NLRC3: variants seen among roughly 807,000 people sequenced by gnomAD.
NLRC3 encodes the protein NLR family CARD domain containing 3.
NLRC3 carries 87 observed loss-of-function variants against 91.6 expected under a neutral mutation model. The ratio of observed to expected loss-of-function variants is 0.95; its 90% CI spans 0.80 to 1.14. NLRC3 has a LOEUF of 1.14. Ranked by LOEUF, NLRC3 falls within the 50% of genes most tolerant of loss-of-function variation. NLRC3 has a pLI of 0.00. For missense variants in NLRC3, 1,577 were observed against 1,418.6 expected (o/e 1.11, Z -1.79); for synonymous variants, 694 against 625.3 (o/e 1.11, Z -1.64).
chr16:3,557,295 G>A (rs1402993850), intron 7 of NLRC3, among the ~76,000 whole-genome samples: 1 of 152,232 alleles, frequency 6.6e-6, no homozygotes, highest in South Asian at 2.1e-4. Flanking sequence ...GTCCCTGGCT[G>A]TAGCCCGGCA....
At chr16:3,548,584 G>T in intron 14 of NLRC3, 86 bp downstream of exon 14, 1 of 1,024,466 alleles carries the variant, frequency 9.8e-7, no homozygotes, top group Non-Finnish European at 1.5e-6. Context: ...CCCCAAACCA[G>T]GTGTGGCCTG....
At position 3,563,188 on chromosome 16, in the gene NLRC3, C is replaced by T. The variant is rs1176912105; in HGVS notation, c.1749G>A (p.Val583=). The T allele has an allele frequency of 1.3e-6, 2 of 1,594,682 alleles. No individual in the cohort carries two copies. The highest frequency in any genetic ancestry group is 1.7e-6 in the Non-Finnish European group (2 of 1,173,032). Residue 583 remains valine (V), a synonymous_variant, in exon 5 of 20, where the codon GTG becomes GTA. Coordinates refer to ENST00000359128, the MANE Select transcript of NLRC3 (RefSeq NM_178844.4). ...GGGCCCCGCTCTCCATGGCCTCCTC[C>T]ACGCTGCGGGCCAGCTCGGTGTGCT... ...ELQHTELARS[V]EEAMESGALA... is the part of the protein sequence containing the mutation.
chr16:3,546,242 A>T (rs1324177797), intron 15 of NLRC3, among the ~76,000 whole-genome samples: 3 of 151,930 alleles, frequency 2.0e-5, no homozygotes, highest in Non-Finnish European at 4.4e-5. Context: ...TTTAAAAAAA[A>T]TTGTAAATAT....
At chr16:3,543,274 AGTGGGGCTG>A (rs2038504290) in intron 17 of NLRC3, 142 bp downstream of exon 17, 3 of 649,284 alleles carry the variant, frequency 4.6e-6, no homozygotes, top group African/African-American at 3.6e-5. Flanking sequence ...AAAGGCATGA[AGTGGGGCTG>A]GGAAACTGGT....
chr16:3,554,168 G>T, intron 9 of NLRC3, 74 bp downstream of exon 9: 3 of 1,149,290 alleles, frequency 2.6e-6, no homozygotes, highest in Non-Finnish European at 3.9e-6. Flanking sequence ...TTCCTAGCAG[G>T]TAATAGGCAG....
intron 1 of NLRC3, among the ~76,000 whole-genome samples, chr16:3,574,426 C>T (rs913307525): frequency 2.0e-5 from 3 of 151,970 alleles, no homozygotes; most frequent in African/African-American, 4.8e-5. Context: ...CCACGGGACC[C>T]GAGCGGGGCT....
At chr16:3,544,027 C>T (rs1335576347) in intron 16 of NLRC3, 7 of 536,126 alleles carry the variant, frequency 1.3e-5, no homozygotes, top group East Asian at 3.1e-5. Context: ...TGGTGGTGCA[C>T]GCCTGTTATC....
In NLRC3 at chr16:3,541,605, A is replaced by G. The variant is rs202021400; in HGVS notation, c.*220T>C. The G allele has an allele frequency of 2.3e-5, 13 of 574,598 alleles. No homozygotes were observed. The highest frequency in any genetic ancestry group is 1.9e-4 in the South Asian group (9 of 47,468). The allele number at this position is 574,598 out of a possible 1,614,324, so 35.6% of individuals were successfully genotyped here. On this transcript the variant is annotated 3_prime_UTR_variant, in exon 20 of 20. Transcript: ENST00000359128. ...GGGTGGCCCCTCCCTTCTCTGTGCC[A>G]TAACAGAGTACCCGTCACCCCCTGC...
intron 10 of NLRC3, 124 bp downstream of exon 10, chr16:3,552,072 C>T (rs2039045308): frequency 1.5e-6 from 1 of 653,972 alleles, no homozygotes; most frequent in South Asian, 1.8e-5. Flanking sequence ...CATCCACCCA[C>T]CCATCCATCC....
chr16:3,541,862 A>G lies in NLRC3; in HGVS notation c.3161T>C (p.Ile1054Thr), dbSNP rs758114605. The G allele has an allele frequency of 9.3e-6, 15 of 1,612,806 alleles. No individual in the cohort carries two copies. The highest frequency in any genetic ancestry group is 2.7e-5 in the African/African-American group (2 of 74,904). ...AGTGCACGTGGGAGCATTTGTCTTG[A>G]TGGCCTCTGAGATCATCCTGGCCCC... ...DSGARMISEA[I>T]KTNAPTCTVE... Residue 1054 changes from isoleucine to threonine, a missense_variant, in exon 20 of 20, where the codon ATC (isoleucine) becomes ACC (threonine). Transcript: ENST00000359128.
At chr16:3,553,240 G>A (rs967500886) in intron 9 of NLRC3, among the ~76,000 whole-genome samples, 1 of 152,186 alleles carries the variant, frequency 6.6e-6, no homozygotes, top group Non-Finnish European at 1.5e-5. Flanking sequence ...TAAGATGTAT[G>A]TAAATCTTTT....
chr16:3,547,614 GTATATGTGTA>G (rs1333324642), intron 15 of NLRC3, among the ~76,000 whole-genome samples: 1 of 151,976 alleles, frequency 6.6e-6, no homozygotes. Context: ...GTGTATATAT[GTATATGTGTA>G]TATATGTGTG....
intron 17 of NLRC3, 166 bp downstream of exon 17, chr16:3,543,259 C>T (rs944517301): frequency 5.3e-5 from 33 of 622,318 alleles, no homozygotes; most frequent in Non-Finnish European, 9.2e-5. Context: ...TAGCGACTCC[C>T]AGGGAAAGGC....
intron 11 of NLRC3, among the ~76,000 whole-genome samples, chr16:3,550,010 G>A (rs532544986): frequency 3.3e-5 from 5 of 152,226 alleles, no homozygotes; most frequent in Non-Finnish European, 7.4e-5. Flanking sequence ...CCCAAATGTA[G>A]ACCCTGCCTT....
At chr16:3,543,207 T>C (rs2038500028) in intron 17 of NLRC3, 2 of 548,564 alleles carry the variant, frequency 3.6e-6, no homozygotes, top group South Asian at 1.9e-5. Context: ...CCTCTAGACG[T>C]GTTCAGCCTG....
At chr16:3,561,206 C>A (rs1185287599) in intron 6 of NLRC3, among the ~76,000 whole-genome samples, 2 of 151,704 alleles carry the variant, frequency 1.3e-5, no homozygotes, top group African/African-American at 4.8e-5. Context: ...AAAAATTAGC[C>A]AGGTGTGGTG....
chr16:3,559,591 A>G (rs1284635502), intron 6 of NLRC3, among the ~76,000 whole-genome samples: 2 of 150,906 alleles, frequency 1.3e-5, no homozygotes, highest in Admixed American at 6.6e-5. Context: ...CTCACAGAGG[A>G]AAAAATATTA....
chr16:3,564,063 C>T lies in NLRC3; in HGVS notation c.874G>A (p.Glu292Lys), dbSNP rs2039752166. The change falls in exon 5 of 20, where the codon GAG (glutamate) becomes AAG (lysine). Residue 292 changes from glutamate to lysine, a missense_variant. Coordinates refer to ENST00000359128, the MANE Select transcript of NLRC3 (RefSeq NM_178844.4). The surrounding 1 kb of genome is among the most constrained non-coding windows in gnomAD (Gnocchi z 5.9). ...TGCTCCAAACACACCTTGATCTCCT[C>T]CTCGTTAAAGCCCCGGATCTCCGTC... ...RMTEIRGFNEEEIKVCLEQMF... is the reference protein window; with the variant it reads ...RMTEIRGFNEKEIKVCLEQMF... 1 of 1,613,182 alleles carries T rather than the reference C, an allele frequency of 6.2e-7. No homozygotes were observed. The highest frequency in any genetic ancestry group is 1.3e-5 in the African/African-American group (1 of 75,080).
At chr16:3,569,123 G>A (rs2039991252) in intron 1 of NLRC3, among the ~76,000 whole-genome samples, 1 of 151,858 alleles carries the variant, frequency 6.6e-6, no homozygotes, top group Non-Finnish European at 1.5e-5. Context: ...AGACCAGCCT[G>A]GCCAACATGG....
Sources: gnomAD v4.1 joint callset for allele counts (sites outside exome capture counted in the v4.1 genomes callset) on GRCh38, gnomAD v4.1.1 for gene constraint, Gnocchi (gnomAD v3.1) non-coding constraint, MANE v1.5 for transcripts, NCBI Gene and HGNC (gene_info 2026-07-23, HGNC 2026-07-21) for gene names.